Variants in SHANK2 observed in about 807,000 individuals in gnomAD.
The protein encoded by SHANK2 is SH3 and multiple ankyrin repeat domains protein 2.
SHANK2 carries 43 observed loss-of-function variants against 133.7 expected under a neutral mutation model. That is an observed-to-expected ratio of 0.32 (90% CI 0.25 to 0.41). The LOEUF is 0.41. Ranked by LOEUF, SHANK2 falls within the 10% of genes least tolerant of loss-of-function variation. SHANK2 has a pLI of 1.00. For missense variants in SHANK2, 1,994 were observed against 2,235.8 expected (o/e 0.89, Z 2.18); for synonymous variants, 1,017 against 952.8 (o/e 1.07, Z -1.24).
rs1437975350 is a variant in SHANK2 at position 70,798,993 on chromosome 11, G to A, written c.1664-437C>T. ...AAAGCAGGGAGGAAATGATGAGGTC[G>A]TACCTTCCCCTCCTAAGCTGGGCAA... On this transcript the variant is annotated intron_variant, in intron 13 of 25. Transcript: ENST00000601538. Among the ~76,000 whole-genome samples, 6 of 152,198 alleles carry A rather than the reference G, an allele frequency of 3.9e-5. No homozygotes were observed. In the East Asian group the frequency reaches 5.9e-4, roughly 15 times the overall value.
intron 14 of SHANK2, among the ~76,000 whole-genome samples, chr11:70,708,800 C>T (rs1365384677): frequency 1.3e-5 from 2 of 152,146 alleles, no homozygotes; most frequent in Admixed American, 6.5e-5. Context: ...TGTAAATTGA[C>T]AATAAGCACA....
chr11:70,746,550 C>T (rs75870722), intron 14 of SHANK2, among the ~76,000 whole-genome samples: 4,070 of 149,900 alleles, frequency 0.027, 85 homozygotes, highest in Non-Finnish European at 0.038. Context: ...ACCACTCTCC[C>T]GCTTCTCCAG....
chr11:70,596,771 A>G (rs1302617292), intron 17 of SHANK2, among the ~76,000 whole-genome samples: 5 of 152,090 alleles, frequency 3.3e-5, no homozygotes, highest in African/African-American at 1.2e-4. Flanking sequence ...TTGGTGGGGT[A>G]CACTCAGGGG....
At chr11:70,745,633 G>A (rs550832) in intron 14 of SHANK2, among the ~76,000 whole-genome samples, 67,933 of 151,934 alleles carry the variant, frequency 0.45, 15,500 homozygotes, top group African/African-American at 0.53. Context: ...TCCGGGGAAC[G>A]TGGGTCTCGT....
chr11:70,942,666 C>A, intron 10 of SHANK2: 1 of 456,866 alleles, frequency 2.2e-6, no homozygotes, highest in Non-Finnish European at 4.4e-6. Flanking sequence ...TGAGGATTTA[C>A]ATTCAGGGAC....
At chr11:70,629,175 G>A (rs782381259) in intron 17 of SHANK2, among the ~76,000 whole-genome samples, 4 of 152,058 alleles carry the variant, frequency 2.6e-5, no homozygotes, top group Admixed American at 2.0e-4. Flanking sequence ...TCCCAGCACC[G>A]GAAGAGCCTG....
intron 17 of SHANK2, among the ~76,000 whole-genome samples, chr11:70,624,901 C>CG (rs558810626): frequency 1.3e-5 from 2 of 152,152 alleles, no homozygotes; most frequent in Non-Finnish European, 2.9e-5. Flanking sequence ...TGGTGGCCTG[C>CG]GGGGGGTGTC....
At chr11:70,594,838 C>T (rs2060375491) in intron 17 of SHANK2, among the ~76,000 whole-genome samples, 1 of 152,176 alleles carries the variant, frequency 6.6e-6, no homozygotes, top group Admixed American at 6.5e-5. Context: ...AAGGCAGCTG[C>T]GGATTCCCAC....
rs141506195 is a variant in SHANK2, at chr11:71,151,770, G to A, written c.-12-4432C>T. Among the ~76,000 whole-genome samples, 982 of 146,046 alleles carry A rather than the reference G, an allele frequency of 6.7e-3. 12 individuals carry two copies. The highest frequency in any genetic ancestry group is 0.026 in the African/African-American group (946 of 36,906). On this transcript the variant is annotated intron_variant, in intron 2 of 25. Transcript: ENST00000601538. ...TCTGCCCCAGCTCAGGTCAGATAAC[G>A]TCTGACTGGCAAGAGCAGGCAGAGA...
At chr11:71,167,067 T>C (rs1487115302) in intron 2 of SHANK2, among the ~76,000 whole-genome samples, 3 of 151,308 alleles carry the variant, frequency 2.0e-5, no homozygotes, top group African/African-American at 7.3e-5. Context: ...TAACCCTGAG[T>C]GGACACAGCA....
intron 17 of SHANK2, among the ~76,000 whole-genome samples, chr11:70,592,411 G>A (rs188781460): frequency 2.6e-5 from 4 of 152,296 alleles, no homozygotes; most frequent in East Asian, 3.9e-4. Flanking sequence ...GAGCTTCCAC[G>A]CAGGCTTTTG....
rs372749639 is a variant in SHANK2 at position 70,492,373 on chromosome 11, G to T, written c.2401C>A (p.Pro801Thr). 3.7e-6 allele frequency: 6 copies of T among 1,612,930 alleles called. No homozygotes were observed. The highest frequency in any genetic ancestry group is 5.1e-6 in the Non-Finnish European group (6 of 1,180,016). The change falls in exon 22 of 26, where the codon CCC (proline) becomes ACC (threonine). Residue 801 changes from proline (P) to threonine (T), a missense_variant. Pro to Thr is a conservative substitution (Grantham distance 38, BLOSUM62 -1). Transcript: ENST00000601538. ...EPRVATIKQR[P>T]SSRCFPAGSD... ...CCCGCCGGGAAGCACCGGCTGCTGG[G>T]CCGCTGCTTGATGGTCGCCACCCTC...
chr11:71,104,735 C>T (rs1555097439), intron 6 of SHANK2, among the ~76,000 whole-genome samples: 1 of 152,206 alleles, frequency 6.6e-6, no homozygotes, highest in Non-Finnish European at 1.5e-5. Flanking sequence ...CCCCACTTCC[C>T]TGCCCCTCTA....
At chr11:71,056,715 T>C (rs1445620776) in intron 9 of SHANK2, among the ~76,000 whole-genome samples, 157 bp from the exon 10 acceptor site, 2 of 152,222 alleles carry the variant, frequency 1.3e-5, no homozygotes, top group Admixed American at 1.3e-4. Flanking sequence ...CTGTATGCTG[T>C]CAGGTGAGGC....
chr11:71,138,722 C>A (rs187127786), intron 3 of SHANK2, among the ~76,000 whole-genome samples: 18 of 150,144 alleles, frequency 1.2e-4, no homozygotes, highest in African/African-American at 4.2e-4. Context: ...ATCCCTTGAG[C>A]CAAGGGTGCA....
chr11:70,747,269 C>T (rs144043336), intron 14 of SHANK2, among the ~76,000 whole-genome samples: 56 of 152,072 alleles, frequency 3.7e-4, no homozygotes, highest in Admixed American at 1.0e-3. Flanking sequence ...AGGTGGGGCT[C>T]GGTGCCATGC....
chr11:70,942,614 CTAGCAGAG>C, intron 10 of SHANK2: 1 of 456,878 alleles, frequency 2.2e-6, no homozygotes, highest in South Asian at 1.5e-5. Flanking sequence ...ACCTAGCAGA[CTAGCAGAG>C]TGTCATTTCC....
At chr11:70,599,913 A>AAGAAAGAT (rs1565166385) in intron 17 of SHANK2, among the ~76,000 whole-genome samples, 5 of 71,770 alleles carry the variant, frequency 7.0e-5, no homozygotes, top group African/African-American at 3.4e-4. Flanking sequence ...AAGAGAAAGA[A>AAGAAAGAT]AGAAAGAAAG....
At chr11:70,576,338 A>G (rs1186970686) in intron 17 of SHANK2, among the ~76,000 whole-genome samples, 1 of 152,034 alleles carries the variant, frequency 6.6e-6, no homozygotes, top group African/African-American at 2.4e-5. Context: ...GCCAGTGGGG[A>G]GCACTGGACT....
Sources: gnomAD v4.1 joint callset for allele counts (sites outside exome capture counted in the v4.1 genomes callset) on GRCh38, gnomAD v4.1.1 for gene constraint, MANE v1.5 for transcripts, NCBI Gene and HGNC (gene_info 2026-07-23, HGNC 2026-07-21) for gene names.